ADAM22: variants seen among roughly 807,000 people sequenced by gnomAD.
The protein encoded by ADAM22 is disintegrin and metalloproteinase domain-containing protein 22.
Under a neutral mutation model 144.6 loss-of-function variants are expected in ADAM22, and 65 were observed. That is an observed-to-expected ratio of 0.45 (90% CI 0.37 to 0.55). ADAM22 has a LOEUF of 0.55. Among genes scored for constraint, ADAM22 ranks in the 20% least tolerant of loss-of-function variants. ADAM22 has a pLI of 0.00. For missense variants in ADAM22, 974 were observed against 1,184.9 expected (o/e 0.82, Z 2.61); for synonymous variants, 391 against 412.6 (o/e 0.95, Z 0.63).
chr7:88,151,713 A>G (rs1046735225), intron 20 of ADAM22, among the ~76,000 whole-genome samples: 1 of 152,194 alleles, frequency 6.6e-6, no homozygotes, highest in Admixed American at 6.5e-5. Context: ...GACGTCCTTA[A>G]CTTAGAACAG....
rs1369079241 is a variant in ADAM22, at chr7:87,950,913, GT to G, written c.246+15733del. ...AGTGATGATGAGCATTTTTTCATGT[GT>G]TTTTTGGCTGCATAAATGTCTTCTT... On this transcript the variant is annotated intron_variant, in intron 2 of 31. Coordinates refer to ENST00000413139, the MANE Select transcript of ADAM22 (RefSeq NM_001324418.2). Among the ~76,000 whole-genome samples, 101 of 151,732 alleles carry G rather than the reference GT, an allele frequency of 6.7e-4. 1 individual carries two copies. The highest frequency in any genetic ancestry group is 2.2e-3 in the African/African-American group (92 of 41,270).
intron 3 of ADAM22, among the ~76,000 whole-genome samples, chr7:88,023,333 A>G (rs1798242052): frequency 6.6e-6 from 1 of 152,240 alleles, no homozygotes; most frequent in African/African-American, 2.4e-5. Flanking sequence ...ATACAGGCAT[A>G]CAATGTGTAA....
At chr7:88,046,519 G>A (rs1489187322) in intron 3 of ADAM22, among the ~76,000 whole-genome samples, 2 of 152,070 alleles carry the variant, frequency 1.3e-5, no homozygotes, top group Non-Finnish European at 2.9e-5. Context: ...CATTTTGTAG[G>A]TTTTCTCTTC....
intron 3 of ADAM22, among the ~76,000 whole-genome samples, chr7:88,015,347 C>T (rs955293690): frequency 2.0e-5 from 3 of 152,122 alleles, no homozygotes; most frequent in Non-Finnish European, 4.4e-5. Flanking sequence ...AATAATTACC[C>T]CACTTCATGC....
chr7:88,122,722 G>A (rs1829599040), intron 7 of ADAM22, among the ~76,000 whole-genome samples: 1 of 152,138 alleles, frequency 6.6e-6, no homozygotes. Flanking sequence ...GCCAGCTATA[G>A]ACATTCCCTT....
chr7:88,014,580 T>G (rs1796143634), intron 3 of ADAM22, among the ~76,000 whole-genome samples: 1 of 152,006 alleles, frequency 6.6e-6, no homozygotes, highest in Admixed American at 6.6e-5. Context: ...CCGTCTCTAC[T>G]AAAAATACAA....
chr7:87,937,753 G>T (rs1311263138), intron 2 of ADAM22, among the ~76,000 whole-genome samples: 2 of 152,200 alleles, frequency 1.3e-5, no homozygotes, highest in East Asian at 3.8e-4. Context: ...CTGGTTTTTG[G>T]TGAAGTATGA....
intron 15 of ADAM22, among the ~76,000 whole-genome samples, chr7:88,143,706 A>G (rs1014041943): frequency 3.9e-5 from 6 of 152,252 alleles, no homozygotes; most frequent in Non-Finnish European, 7.3e-5. Flanking sequence ...AAGACTTTGC[A>G]TGTTAAAAAA....
chr7:88,102,319 T>C (rs1408702949), intron 4 of ADAM22, among the ~76,000 whole-genome samples: 1 of 152,200 alleles, frequency 6.6e-6, no homozygotes, highest in Non-Finnish European at 1.5e-5. Flanking sequence ...TCAGCAGGCC[T>C]GAGGGAAGGC....
intron 2 of ADAM22, among the ~76,000 whole-genome samples, chr7:87,967,570 G>A (rs1849419238): frequency 6.6e-6 from 1 of 151,996 alleles, no homozygotes; most frequent in Non-Finnish European, 1.5e-5. Context: ...CAGCACTTTG[G>A]GAGGCCGAGG....
At position 88,196,799 on chromosome 7, in the gene ADAM22, C is replaced by T; in HGVS notation, c.*308C>T. 1 of 357,370 alleles carries T rather than the reference C, an allele frequency of 2.8e-6. No homozygotes were observed. Among genetic ancestry groups the T allele is most frequent in the South Asian group, 3.8e-5 (1 of 26,440 alleles). The allele number at this position is 357,370 out of a possible 1,614,324, so 22.1% of individuals were successfully genotyped here. A position where few individuals can be genotyped will look rare whatever the true frequency, so the allele number is the denominator to read the frequency against. ...TATGTAGAAATATTCATAAAGTTAA[C>T]TCACATGACCCAAATGTAGCAAGTT... On this transcript the variant is annotated 3_prime_UTR_variant, in exon 32 of 32. Coordinates refer to ENST00000413139, the MANE Select transcript of ADAM22 (RefSeq NM_001324418.2).
chr7:88,009,395 CA>C (rs922235294), intron 3 of ADAM22, among the ~76,000 whole-genome samples: 2 of 152,090 alleles, frequency 1.3e-5, no homozygotes, highest in African/African-American at 4.8e-5. Flanking sequence ...CATTTTTTGT[CA>C]CTTTTGTTTC....
At chr7:88,064,992 A>G (rs765663709) in intron 3 of ADAM22, among the ~76,000 whole-genome samples, 3 of 152,206 alleles carry the variant, frequency 2.0e-5, no homozygotes, top group East Asian at 1.9e-4. Flanking sequence ...ATTGTTAACT[A>G]TTATTTCTAT....
At chr7:88,084,513 A>G (rs540613411) in intron 4 of ADAM22, among the ~76,000 whole-genome samples, 1 of 152,334 alleles carries the variant, frequency 6.6e-6, no homozygotes, top group South Asian at 2.1e-4. Flanking sequence ...CAGGAACCAC[A>G]TTGAAAATGC....
chr7:88,047,081 A>G (rs1804876940), intron 3 of ADAM22, among the ~76,000 whole-genome samples: 2 of 152,016 alleles, frequency 1.3e-5, no homozygotes, highest in Admixed American at 1.3e-4. Flanking sequence ...TCAGGCATCT[A>G]TTTCCTAGCC....
intron 5 of ADAM22, among the ~76,000 whole-genome samples, chr7:88,111,191 A>G (rs904187168): frequency 5.9e-5 from 9 of 152,114 alleles, no homozygotes; most frequent in Non-Finnish European, 1.2e-4. Flanking sequence ...ATAACCTTGT[A>G]TCATCTTGTT....
chr7:88,126,772 A>G (rs1428067233), intron 8 of ADAM22, among the ~76,000 whole-genome samples: 3 of 151,860 alleles, frequency 2.0e-5, no homozygotes, highest in Non-Finnish European at 2.9e-5. Flanking sequence ...TGAGTGTCCT[A>G]TTGGTGCTCA....
chr7:88,099,958 C>G (rs919852302), intron 4 of ADAM22, among the ~76,000 whole-genome samples: 1 of 151,982 alleles, frequency 6.6e-6, no homozygotes, highest in Non-Finnish European at 1.5e-5. Flanking sequence ...CAATATGGCA[C>G]TATGGATTGG....
chr7:87,966,845 C>G (rs563011522), intron 2 of ADAM22, among the ~76,000 whole-genome samples: 102 of 140,904 alleles, frequency 7.2e-4, no homozygotes, highest in Non-Finnish European at 1.4e-3. Flanking sequence ...AAAACAAGGG[C>G]AAGAAATTGT....
Sources: allele counts gnomAD v4.1 joint callset (sites outside exome capture counted in the v4.1 genomes callset), GRCh38; gene constraint gnomAD v4.1.1; transcripts MANE v1.5; gene names NCBI Gene and HGNC (gene_info 2026-07-23, HGNC 2026-07-21).